The following ITPR1 variants were observed in gnomAD, a reference collection of about 807,000 sequenced individuals.
ITPR1 encodes inositol 1,4,5-trisphosphate receptor type 1.
In ITPR1, 96 loss-of-function variants were observed where a neutral mutation model predicts 318.4. The ratio of observed to expected loss-of-function variants is 0.30; its 90% CI spans 0.26 to 0.36. The LOEUF (loss-of-function observed/expected upper bound fraction) is 0.36, where lower values mean the gene tolerates loss of function less well. ITPR1 is among the 10% of genes least tolerant of loss of function. ITPR1 has a pLI of 1.00. For missense variants in ITPR1, 2,440 were observed against 3,460.2 expected (o/e 0.71, Z 7.40); for synonymous variants, 1,312 against 1,289.9 (o/e 1.02, Z -0.37).
intron 4 of ITPR1, among the ~76,000 whole-genome samples, chr3:4,539,318 G>C (rs973028478): frequency 1.3e-5 from 2 of 152,256 alleles, no homozygotes; most frequent in East Asian, 1.9e-4. Flanking sequence ...TTTACAACTT[G>C]AGAGGCTTGC....
intron 4 of ITPR1, among the ~76,000 whole-genome samples, chr3:4,557,451 G>A (rs953233309): frequency 6.6e-6 from 1 of 152,034 alleles, no homozygotes; most frequent in East Asian, 1.9e-4. Context: ...ATTTGGGTGG[G>A]GACACAGCCA....
At chr3:4,824,033 A>T (rs1475368271) in intron 60 of ITPR1, among the ~76,000 whole-genome samples, 1 of 152,202 alleles carries the variant, frequency 6.6e-6, no homozygotes, top group African/African-American at 2.4e-5. Flanking sequence ...AACACTGTCC[A>T]TCTACATTTC....
chr3:4,747,023 T>C (rs1198448016), intron 44 of ITPR1, among the ~76,000 whole-genome samples: 3 of 152,230 alleles, frequency 2.0e-5, no homozygotes, highest in Non-Finnish European at 4.4e-5. Context: ...GGATGTGAAA[T>C]GTGAACTTGT....
At chr3:4,503,642 T>C (rs1226037577) in intron 2 of ITPR1, among the ~76,000 whole-genome samples, 4 of 152,094 alleles carry the variant, frequency 2.6e-5, no homozygotes, top group Non-Finnish European at 4.4e-5. Flanking sequence ...TGGCATTTTG[T>C]GAACAGATCC....
chr3:4,567,384 G>A (rs543683216), intron 4 of ITPR1, among the ~76,000 whole-genome samples: 1 of 152,278 alleles, frequency 6.6e-6, no homozygotes, highest in African/African-American at 2.4e-5. Context: ...GGATGATAAA[G>A]CCTAAGAAGA....
intron 5 of ITPR1, among the ~76,000 whole-genome samples, chr3:4,632,745 A>G (rs2093052312): frequency 6.6e-6 from 1 of 152,112 alleles, no homozygotes; most frequent in African/African-American, 2.4e-5. Context: ...CTATGAATGA[A>G]CTGTGAAGAA....
At chr3:4,570,397 G>A (rs1040543599) in intron 4 of ITPR1, among the ~76,000 whole-genome samples, 3 of 152,202 alleles carry the variant, frequency 2.0e-5, no homozygotes, top group Non-Finnish European at 1.5e-5. Context: ...TTGGAAGCCA[G>A]TGTACAGTCT....
At chr3:4,800,120 C>T in intron 53 of ITPR1, 1 of 396,594 alleles carries the variant, frequency 2.5e-6, no homozygotes, top group South Asian at 3.3e-5. Context: ...GAGGGAACTC[C>T]TGACATGTTT....
intron 41 of ITPR1, among the ~76,000 whole-genome samples, 178 bp from the exon 42 acceptor site, chr3:4,726,948 G>A (rs530289460): frequency 2.8e-4 from 43 of 152,260 alleles, no homozygotes; most frequent in Non-Finnish European, 5.0e-4. Flanking sequence ...TCGTTAAGCA[G>A]CATCTAAAGT....
intron 2 of ITPR1, among the ~76,000 whole-genome samples, chr3:4,507,209 G>A (rs997988076): frequency 7.3e-4 from 110 of 150,596 alleles, no homozygotes; most frequent in African/African-American, 2.5e-3. Flanking sequence ...TACATCATGT[G>A]CCTTGCAGCC....
At chr3:4,528,084 A>G (rs2083126531) in intron 4 of ITPR1, among the ~76,000 whole-genome samples, 1 of 152,160 alleles carries the variant, frequency 6.6e-6, no homozygotes, top group South Asian at 2.1e-4. Context: ...TATAGGGGAA[A>G]GAGCAACCTC....
chr3:4,838,346 C>A (rs527459696), intron 61 of ITPR1, among the ~76,000 whole-genome samples: 9 of 148,538 alleles, frequency 6.1e-5, no homozygotes, highest in Non-Finnish European at 1.2e-4. Context: ...TACCCGCCCC[C>A]CGCCGTGAAA....
intron 4 of ITPR1, among the ~76,000 whole-genome samples, chr3:4,557,327 T>C (rs1274534878): frequency 2.6e-5 from 4 of 152,136 alleles, no homozygotes. Flanking sequence ...CTTGTGAGAC[T>C]TATTAACTAT....
At chr3:4,669,261 C>G (rs1559653006) in intron 18 of ITPR1, among the ~76,000 whole-genome samples, 1 of 152,206 alleles carries the variant, frequency 6.6e-6, no homozygotes, top group Non-Finnish European at 1.5e-5. Context: ...AATGAACGCT[C>G]CATAGCAGAA....
At chr3:4,706,527 A>G (rs1322650296) in intron 37 of ITPR1, among the ~76,000 whole-genome samples, 176 bp downstream of exon 37, 1 of 152,234 alleles carries the variant, frequency 6.6e-6, no homozygotes, top group Non-Finnish European at 1.5e-5. Flanking sequence ...TTACTTAGGA[A>G]TAGAAAAGTT....
At chr3:4,622,664 C>T (rs1303005960) in intron 4 of ITPR1, among the ~76,000 whole-genome samples, 1 of 151,994 alleles carries the variant, frequency 6.6e-6, no homozygotes, top group East Asian at 1.9e-4. Context: ...CCTCCTGTCT[C>T]GGCCTCCCAA....
chr3:4,669,965 T>A (rs1352381671), intron 19 of ITPR1, among the ~76,000 whole-genome samples, 192 bp downstream of exon 19: 1 of 152,232 alleles, frequency 6.6e-6, no homozygotes. Flanking sequence ...CTCCTCTTCA[T>A]AGTGGTGTCA....
chr3:4,609,033 AAACAAC>A lies in ITPR1; in HGVS notation c.164-18720_164-18715del, dbSNP rs1201964424. 1.6e-4 allele frequency among the ~76,000 whole-genome samples: 20 copies of A among 123,448 alleles called. No homozygotes were observed. The East Asian group carries it at 3.6e-3, about 22-fold the overall frequency. The allele number at this position is 123,448 out of a possible 152,430, so 81.0% of individuals were successfully genotyped here. ...AAAAAAAAAAAAAAAAAACAAAAGA[AAACAAC>A]AACAACAACGAAATATATATATATA... is the stretch of plus-strand genomic sequence containing the variant. On this transcript the variant is annotated intron_variant, in intron 4 of 61. Transcript: ENST00000649015.
At chr3:4,514,756 G>A (rs1032030933) in intron 2 of ITPR1, among the ~76,000 whole-genome samples, 3 of 152,216 alleles carry the variant, frequency 2.0e-5, no homozygotes, top group African/African-American at 4.8e-5. Context: ...GGTCTTAGAA[G>A]TATGCTGACT....
Sources: gnomAD v4.1 joint callset for allele counts (sites outside exome capture counted in the v4.1 genomes callset) on GRCh38, gnomAD v4.1.1 for gene constraint, MANE v1.5 for transcripts, NCBI Gene and HGNC (gene_info 2026-07-23, HGNC 2026-07-21) for gene names.